Variants in ELMO1 observed in about 807,000 individuals in gnomAD.
ELMO1 encodes the protein engulfment and cell motility protein 1.
Under a neutral mutation model 98.9 loss-of-function variants are expected in ELMO1, and 26 were observed. That is an observed-to-expected ratio of 0.26 (90% CI 0.19 to 0.36). ELMO1 has a LOEUF of 0.36. Among genes scored for constraint, ELMO1 ranks in the 10% least tolerant of loss-of-function variants. The pLI is 1.00. For synonymous variants in ELMO1, 346 were observed against 346.0 expected (o/e 1.00, Z 0.00); for missense variants, 627 against 935.2 (o/e 0.67, Z 4.30).
intron 13 of ELMO1, among the ~76,000 whole-genome samples, chr7:37,169,607 G>A (rs62459307): frequency 0.62 from 94,146 of 152,120 alleles, 31,338 homozygotes; most frequent in Non-Finnish European, 0.73. Flanking sequence ...GGATAATCAC[G>A]CTAAGAAATT....
rs1274833312 is a variant in ELMO1, at chr7:36,861,721, C to T, written c.1921G>A (p.Ala641Thr). ...TTTGAGTCATACAAGATGGAGAAAG[C>T]GAGTTCAAGCACCTCCTACAAGAGA... is the stretch of plus-strand genomic sequence containing the variant. The part of the protein sequence containing the change: ...LKQNKEVLEL[A>T]FSILYDSNCQ... Residue 641 changes from alanine to threonine, a missense_variant, in exon 21 of 22, where the codon GCT becomes ACT. Coordinates refer to ENST00000310758, the MANE Select transcript of ELMO1 (RefSeq NM_014800.11). 6.2e-7 allele frequency: 1 copy of T among 1,612,390 alleles called. No individual in the cohort carries two copies. Among genetic ancestry groups the T allele is most frequent in the Non-Finnish European group, 8.5e-7 (1 of 1,179,712 alleles).
intron 13 of ELMO1, among the ~76,000 whole-genome samples, chr7:37,168,937 C>G (rs866455699): frequency 6.6e-6 from 1 of 152,220 alleles, no homozygotes; most frequent in Non-Finnish European, 1.5e-5. Flanking sequence ...TGCCCTGTCC[C>G]CAGAGGTGGA....
intron 13 of ELMO1, among the ~76,000 whole-genome samples, chr7:37,180,946 G>A (rs1790826689): frequency 6.6e-6 from 1 of 152,024 alleles, no homozygotes; most frequent in African/African-American, 2.4e-5. Flanking sequence ...TACAATTCTT[G>A]TAATTTTTTT....
intron 15 of ELMO1, among the ~76,000 whole-genome samples, chr7:37,021,761 C>T (rs545103705): frequency 6.6e-6 from 1 of 152,026 alleles, no homozygotes; most frequent in East Asian, 1.9e-4. Flanking sequence ...CATATGTTAA[C>T]CGAGATAAAG....
At chr7:37,416,922 T>C (rs1469039444) in intron 1 of ELMO1, among the ~76,000 whole-genome samples, 2 of 152,254 alleles carry the variant, frequency 1.3e-5, no homozygotes, top group Non-Finnish European at 2.9e-5. Context: ...TGTTTACTTT[T>C]GTGTTTGGCT....
At chr7:37,135,269 T>A (rs1787193893) in intron 13 of ELMO1, among the ~76,000 whole-genome samples, 1 of 152,182 alleles carries the variant, frequency 6.6e-6, no homozygotes, top group African/African-American at 2.4e-5. Context: ...GAGGAAGGAC[T>A]AGTTGCAGCT....
intron 11 of ELMO1, among the ~76,000 whole-genome samples, chr7:37,215,539 CT>C (rs1289570790): frequency 1.3e-5 from 2 of 152,208 alleles, no homozygotes; most frequent in African/African-American, 4.8e-5. Context: ...GCTCTGGCTC[CT>C]ACTCTTAGGA....
At chr7:37,404,567 G>T (rs1803674445) in intron 1 of ELMO1, among the ~76,000 whole-genome samples, 1 of 152,140 alleles carries the variant, frequency 6.6e-6, no homozygotes, top group African/African-American at 2.4e-5. Context: ...GGGCCCTTCA[G>T]GTTGTTCCAA....
intron 13 of ELMO1, among the ~76,000 whole-genome samples, chr7:37,178,083 T>C (rs1790593427): frequency 6.6e-6 from 1 of 151,302 alleles, no homozygotes. Context: ...TGAGTGTGTT[T>C]CTGGGAGGGA....
chr7:37,315,501 A>G (rs1799107343), intron 3 of ELMO1, among the ~76,000 whole-genome samples: 1 of 152,204 alleles, frequency 6.6e-6, no homozygotes, highest in Non-Finnish European at 1.5e-5. Flanking sequence ...GGAAAGTCAT[A>G]TCAGTGTGAG....
intron 12 of ELMO1, among the ~76,000 whole-genome samples, chr7:37,212,453 G>A (rs954796885): frequency 6.6e-6 from 1 of 152,122 alleles, no homozygotes; most frequent in African/African-American, 2.4e-5. Flanking sequence ...AGCAAAGAGC[G>A]TCATGTCATT....
intron 13 of ELMO1, among the ~76,000 whole-genome samples, chr7:37,156,460 G>A (rs553552952): frequency 6.6e-6 from 1 of 152,098 alleles, no homozygotes; most frequent in Admixed American, 6.5e-5. Context: ...GAAAAATCAA[G>A]TAGATGCAAT....
Position 36,859,939 on chromosome 7 carries a change from G to A in ELMO1, c.1983+1720C>T, listed in dbSNP as rs1802485216. Among the ~76,000 whole-genome samples the A allele has an allele frequency of 3.3e-5, 5 of 151,968 alleles. No homozygotes were observed. In the South Asian group the frequency reaches 1.0e-3, roughly 32 times the overall value. On this transcript the variant is annotated intron_variant, in intron 21 of 21. Transcript: ENST00000310758. ...GCCTCTGCCACCCCTGAGACCTCAA[G>A]ACCAACCCGTCCTCTTCCTTCTCCC...
At chr7:36,990,942 T>TTA (rs1417625981) in intron 16 of ELMO1, among the ~76,000 whole-genome samples, 3 of 152,116 alleles carry the variant, frequency 2.0e-5, no homozygotes, top group Non-Finnish European at 4.4e-5. Context: ...GGGATTCCAT[T>TTA]TACCGGGCAC....
intron 1 of ELMO1, among the ~76,000 whole-genome samples, chr7:37,423,855 C>T (rs762846776): frequency 2.0e-5 from 3 of 152,146 alleles, no homozygotes; most frequent in Non-Finnish European, 4.4e-5. Flanking sequence ...AATAAATGCC[C>T]TCTACCAGAG....
At chr7:37,215,984 C>T (rs1793258935) in intron 11 of ELMO1, among the ~76,000 whole-genome samples, 1 of 147,694 alleles carries the variant, frequency 6.8e-6, no homozygotes, top group South Asian at 2.1e-4. Context: ...CTTTCTTTTC[C>T]TCTTTTCCTT....
chr7:37,362,143 T>G (rs13233519), intron 1 of ELMO1, among the ~76,000 whole-genome samples: 13,673 of 152,074 alleles, frequency 0.09, 1,232 homozygotes, highest in East Asian at 0.46. Flanking sequence ...GTTGTGATGG[T>G]TACATGACTA....
At chr7:37,265,048 CT>C (rs1796167605) in intron 5 of ELMO1, among the ~76,000 whole-genome samples, 1 of 152,154 alleles carries the variant, frequency 6.6e-6, no homozygotes, top group African/African-American at 2.4e-5. Context: ...CTTTTCTACT[CT>C]CCTTAAACCC....
chr7:37,048,101 C>A (rs764472826), intron 15 of ELMO1, among the ~76,000 whole-genome samples: 19 of 152,306 alleles, frequency 1.2e-4, no homozygotes, highest in Non-Finnish European at 1.9e-4. Flanking sequence ...AACATCAGTA[C>A]TATTAGTGTC....
Sources: allele counts gnomAD v4.1 joint callset (sites outside exome capture counted in the v4.1 genomes callset), GRCh38; gene constraint gnomAD v4.1.1; transcripts MANE v1.5; gene names NCBI Gene and HGNC (gene_info 2026-07-23, HGNC 2026-07-21).